NPAS3: variants seen among roughly 807,000 people sequenced by gnomAD.
NPAS3 encodes the protein neuronal PAS domain protein 3.
NPAS3 carries 14 observed loss-of-function variants against 73.1 expected under a neutral mutation model. That is an observed-to-expected ratio of 0.19 (90% CI 0.13 to 0.30). NPAS3 has a LOEUF of 0.30. Among genes scored for constraint, NPAS3 ranks in the 10% least tolerant of loss-of-function variants. The pLI, the probability that NPAS3 is intolerant of heterozygous loss-of-function variation, is 1.00. For synonymous variants in NPAS3, 620 were observed against 541.5 expected, an observed-to-expected ratio of 1.14 and a Z score of -2.01; for missense variants, 1,096 against 1,250.0, an observed-to-expected ratio of 0.88 and a Z score of 1.86.
intron 6 of NPAS3, among the ~76,000 whole-genome samples, chr14:33,724,106 T>C (rs2061194625): frequency 2.0e-5 from 3 of 152,248 alleles, no homozygotes; most frequent in Middle Eastern, 6.8e-3. Context: ...TATAAAATTT[T>C]AAGACATATG....
intron 3 of NPAS3, among the ~76,000 whole-genome samples, chr14:33,280,101 T>G (rs948337525): frequency 2.6e-5 from 4 of 152,004 alleles, no homozygotes; most frequent in African/African-American, 9.7e-5. Flanking sequence ...TGGCGGAGAG[T>G]CTCAGCACAC....
At chr14:33,429,782 A>T (rs1165932844) in intron 4 of NPAS3, among the ~76,000 whole-genome samples, 1 of 152,164 alleles carries the variant, frequency 6.6e-6, no homozygotes, top group Non-Finnish European at 1.5e-5. Flanking sequence ...TGAAAGTTGG[A>T]TGTTATGATG....
At chr14:33,215,523 C>A in intron 3 of NPAS3, 97 bp downstream of exon 3, 2 of 1,357,698 alleles carry the variant, frequency 1.5e-6, no homozygotes, top group Non-Finnish European at 2.1e-6. Flanking sequence ...TCCTGCATAT[C>A]AAATCCTTTA....
At position 33,574,415 on chromosome 14, in the gene NPAS3, C is replaced by T. The variant is rs866329758; in HGVS notation, c.558+14205C>T. Among the ~76,000 whole-genome samples, 11 of 152,214 alleles carry T rather than the reference C, an allele frequency of 7.2e-5. No homozygotes were observed. In the South Asian group the frequency reaches 1.5e-3, roughly 20 times the overall value. ...AAATATTATAAGGCAAGATAAAAAG[C>T]CATCAGACCCATCAGTTGAAAGATT... On this transcript the variant is annotated intron_variant, in intron 5 of 11. Coordinates refer to ENST00000356141, the Ensembl canonical transcript of NPAS3.
chr14:33,534,420 C>T (rs1429776376), intron 4 of NPAS3, among the ~76,000 whole-genome samples: 1 of 151,966 alleles, frequency 6.6e-6, no homozygotes, highest in Middle Eastern at 3.2e-3. Flanking sequence ...GATTTGTTGG[C>T]CAAATCCCTT....
intron 2 of NPAS3, among the ~76,000 whole-genome samples, chr14:33,102,593 C>T (rs1239880296): frequency 6.6e-6 from 1 of 152,030 alleles, no homozygotes; most frequent in African/African-American, 2.4e-5. Context: ...TGGAGTGCCG[C>T]CTAGGAATAA....
intron 3 of NPAS3, among the ~76,000 whole-genome samples, chr14:33,281,919 A>G (rs2041636230): frequency 6.6e-6 from 1 of 152,178 alleles, no homozygotes; most frequent in African/African-American, 2.4e-5. Context: ...GTTTGTGAGT[A>G]TGGGGTAATC....
At chr14:33,409,596 GGAA>G (rs1287121909) in intron 4 of NPAS3, among the ~76,000 whole-genome samples, 5 of 152,126 alleles carry the variant, frequency 3.3e-5, no homozygotes, top group Admixed American at 6.6e-5. Context: ...TTTAAAATGT[GGAA>G]AAGTGGGATT....
chr14:33,565,028 C>G (rs1210033165), intron 5 of NPAS3, among the ~76,000 whole-genome samples: 1 of 152,128 alleles, frequency 6.6e-6, no homozygotes, highest in Non-Finnish European at 1.5e-5. Context: ...TATTTCCTGA[C>G]TATTGTAAGC....
chr14:33,206,107 T>A (rs1315891136), intron 2 of NPAS3, among the ~76,000 whole-genome samples: 3 of 152,152 alleles, frequency 2.0e-5, no homozygotes, highest in Non-Finnish European at 4.4e-5. Context: ...TTATGAAATT[T>A]ATATGGGTGA....
chr14:33,717,757 C>T (rs946732890), intron 6 of NPAS3, among the ~76,000 whole-genome samples: 15 of 152,162 alleles, frequency 9.9e-5, no homozygotes, highest in African/African-American at 2.9e-4. Context: ...TTTTAAAGTA[C>T]ATGGTCATAG....
intron 1 of NPAS3, among the ~76,000 whole-genome samples, chr14:33,000,817 A>G (rs374509587): frequency 4.1e-4 from 62 of 152,216 alleles, no homozygotes; most frequent in African/African-American, 1.4e-3. Context: ...CTGTTTTAAT[A>G]CAGGATGTAA....
chr14:32,966,324 A>T (rs1178510071), intron 1 of NPAS3, among the ~76,000 whole-genome samples: 1 of 152,208 alleles, frequency 6.6e-6, no homozygotes, highest in African/African-American at 2.4e-5. Flanking sequence ...TAGTAACCAA[A>T]CACTGTGGTA....
chr14:33,285,303 T>C (rs944551749), intron 3 of NPAS3, among the ~76,000 whole-genome samples: 5 of 152,140 alleles, frequency 3.3e-5, no homozygotes, highest in African/African-American at 7.2e-5. Context: ...ACCTTTCTGA[T>C]TGCTAATCAA....
chr14:33,254,834 T>A (rs1382227212), intron 3 of NPAS3, among the ~76,000 whole-genome samples: 1 of 152,136 alleles, frequency 6.6e-6, no homozygotes, highest in Non-Finnish European at 1.5e-5. Flanking sequence ...TTCTTAAATG[T>A]CAGAGGTATG....
intron 4 of NPAS3, among the ~76,000 whole-genome samples, chr14:33,368,673 G>C (rs1311550283): frequency 2.0e-5 from 3 of 152,120 alleles, no homozygotes; most frequent in Non-Finnish European, 4.4e-5. Context: ...CTTGGGAGTT[G>C]CTATTCTATT....
At chr14:33,778,889 G>C (rs1232790285) in intron 9 of NPAS3, among the ~76,000 whole-genome samples, 1 of 152,106 alleles carries the variant, frequency 6.6e-6, no homozygotes, top group Non-Finnish European at 1.5e-5. Flanking sequence ...TCATTTTCTG[G>C]AGAACAACTT....
chr14:33,009,359 T>C (rs1211298912), intron 1 of NPAS3, among the ~76,000 whole-genome samples: 3 of 152,270 alleles, frequency 2.0e-5, no homozygotes, highest in African/African-American at 4.8e-5. Flanking sequence ...GGTCAGCTTC[T>C]TGAGAGAATT....
At chr14:33,417,999 T>G (rs2048218989) in intron 4 of NPAS3, among the ~76,000 whole-genome samples, 1 of 152,006 alleles carries the variant, frequency 6.6e-6, no homozygotes, top group Non-Finnish European at 1.5e-5. Context: ...GCTAAAAGTT[T>G]GTAAGGACAT....
Sources: gnomAD v4.1 joint callset for allele counts (sites outside exome capture counted in the v4.1 genomes callset) on GRCh38, gnomAD v4.1.1 for gene constraint, MANE v1.5 for transcripts, NCBI Gene and HGNC (gene_info 2026-07-23, HGNC 2026-07-21) for gene names.